The following FRMD4A variants were observed in gnomAD, a reference collection of about 807,000 sequenced individuals.
FRMD4A encodes FERM domain containing 4A, also known as FERM domain-containing protein 4A.
Under a neutral mutation model 129.1 loss-of-function variants are expected in FRMD4A, and 29 were observed. The observed-to-expected ratio is 0.22, with a 90% confidence interval of 0.17 to 0.31. FRMD4A has a LOEUF of 0.31. Among genes scored for constraint, FRMD4A ranks in the 10% least tolerant of loss-of-function variants. The probability of loss-of-function intolerance (pLI) is 1.00; values close to 1 mark genes in which losing one functional copy is unlikely to be tolerated. For missense variants in FRMD4A, 1,272 were observed against 1,375.8 expected (o/e 0.92, Z 1.19); for synonymous variants, 634 against 571.6 (o/e 1.11, Z -1.56).
At chr10:14,014,528 G>A (rs1417323471) in intron 2 of FRMD4A, among the ~76,000 whole-genome samples, 1 of 152,144 alleles carries the variant, frequency 6.6e-6, no homozygotes, top group African/African-American at 2.4e-5. Flanking sequence ...CTATAGCCTA[G>A]GTAATTCATG....
chr10:14,245,726 C>T (rs558960154), intron 2 of FRMD4A, among the ~76,000 whole-genome samples: 2 of 152,288 alleles, frequency 1.3e-5, no homozygotes, highest in East Asian at 1.9e-4. Context: ...ACAGCATCTA[C>T]TAGCCAAGGA....
chr10:14,266,194 A>C (rs984324123), intron 2 of FRMD4A, among the ~76,000 whole-genome samples: 4 of 152,048 alleles, frequency 2.6e-5, no homozygotes, highest in Non-Finnish European at 5.9e-5. Flanking sequence ...CGTGCATTGT[A>C]GGATGTTAAG....
intron 2 of FRMD4A, among the ~76,000 whole-genome samples, chr10:13,970,394 C>T (rs572636521): frequency 3.3e-5 from 5 of 152,230 alleles, no homozygotes; most frequent in East Asian, 1.9e-4. Context: ...TCTTCCAGGG[C>T]GCCTCCCTCC....
At chr10:14,225,683 C>T (rs1879607) in intron 2 of FRMD4A, among the ~76,000 whole-genome samples, 151,710 of 152,276 alleles carry the variant, frequency 1, 75,580 homozygotes, top group Middle Eastern at 1. Context: ...CACCATTAAC[C>T]CCCTTGTTCT....
intron 2 of FRMD4A, among the ~76,000 whole-genome samples, chr10:14,105,007 C>T (rs769568885): frequency 1.1e-4 from 17 of 152,208 alleles, no homozygotes; most frequent in Non-Finnish European, 2.1e-4. Context: ...CTTCTGGTCA[C>T]GGGGTCCCCA....
chr10:14,044,368 C>T (rs1833901649), intron 2 of FRMD4A, among the ~76,000 whole-genome samples: 1 of 152,226 alleles, frequency 6.6e-6, no homozygotes, highest in African/African-American at 2.4e-5. Flanking sequence ...GGCTCCCTGA[C>T]CCCCATTCCT....
At chr10:14,025,299 CTT>C (rs11422286) in intron 2 of FRMD4A, among the ~76,000 whole-genome samples, 1 of 147,658 alleles carries the variant, frequency 6.8e-6, no homozygotes, top group Admixed American at 6.7e-5. Flanking sequence ...CCAAAGTTTG[CTT>C]TTTTTTTTTA....
intron 2 of FRMD4A, among the ~76,000 whole-genome samples, chr10:14,283,324 C>T (rs1845582548): frequency 1.3e-5 from 2 of 152,174 alleles, no homozygotes; most frequent in Non-Finnish European, 2.9e-5. Context: ...TGTTAAGTAG[C>T]AGCGTTCAAC....
intron 4 of FRMD4A, among the ~76,000 whole-genome samples, chr10:13,809,131 C>G (rs2093404894): frequency 6.6e-6 from 1 of 152,176 alleles, no homozygotes; most frequent in Admixed American, 6.5e-5. Context: ...TTTTGGTGCT[C>G]TCAACCCTCC....
At chr10:14,036,022 A>G (rs1169263740) in intron 2 of FRMD4A, among the ~76,000 whole-genome samples, 2 of 145,220 alleles carry the variant, frequency 1.4e-5, no homozygotes, top group African/African-American at 2.5e-5. Context: ...AGCATGGGCA[A>G]CAAGAGTGAA....
chr10:14,324,272 A>G (rs931917509), intron 2 of FRMD4A, among the ~76,000 whole-genome samples: 1 of 152,262 alleles, frequency 6.6e-6, no homozygotes, highest in Admixed American at 6.5e-5. Context: ...AAAAATATTA[A>G]TAGCAAGATC....
At chr10:14,031,006 G>A (rs973918132) in intron 2 of FRMD4A, among the ~76,000 whole-genome samples, 1 of 152,162 alleles carries the variant, frequency 6.6e-6, no homozygotes, top group Non-Finnish European at 1.5e-5. Flanking sequence ...GGCACACCCA[G>A]GAGTACCCTG....
At chr10:13,854,043 C>A (rs1003905175) in intron 3 of FRMD4A, among the ~76,000 whole-genome samples, 1 of 151,998 alleles carries the variant, frequency 6.6e-6, no homozygotes, top group Non-Finnish European at 1.5e-5. Flanking sequence ...AAGGGCCACA[C>A]CTCAGCCATT....
chr10:13,950,522 A>G lies in FRMD4A; in HGVS notation c.46-91610T>C, dbSNP rs141882508. Among the ~76,000 whole-genome samples the G allele has an allele frequency of 3.6e-3, 544 of 152,338 alleles. 5 individuals carry two copies. The highest frequency in any genetic ancestry group is 0.012 in the African/African-American group (515 of 41,578). On this transcript the variant is annotated intron_variant, in intron 2 of 24. Transcript: ENST00000357447. Reference sequence around the variant, plus strand: ...ACATGATGTAAATAATTGTAAAAAAATGCCATGACAAGGCAGAATGGACCA... The same window carrying G: ...ACATGATGTAAATAATTGTAAAAAAGTGCCATGACAAGGCAGAATGGACCA...
chr10:13,709,886 T>A (rs2087841036), intron 12 of FRMD4A, among the ~76,000 whole-genome samples: 1 of 152,192 alleles, frequency 6.6e-6, no homozygotes. Flanking sequence ...ATACGCTTTT[T>A]AAAAAATTAA....
intron 2 of FRMD4A, among the ~76,000 whole-genome samples, chr10:14,207,249 C>T (rs1469455999): frequency 6.6e-6 from 1 of 152,116 alleles, no homozygotes; most frequent in African/African-American, 2.4e-5. Flanking sequence ...CAGTGGTCCC[C>T]AATCTTTTTG....
intron 5 of FRMD4A, among the ~76,000 whole-genome samples, chr10:13,786,538 G>A (rs891028066): frequency 1.6e-4 from 24 of 152,118 alleles, no homozygotes; most frequent in African/African-American, 4.3e-4. Flanking sequence ...CCTGGGAGGC[G>A]GAGGTTGCAG....
intron 15 of FRMD4A, among the ~76,000 whole-genome samples, chr10:13,687,616 T>A (rs971182940): frequency 6.6e-6 from 1 of 152,228 alleles, no homozygotes; most frequent in Non-Finnish European, 1.5e-5. Context: ...GAATTCATAG[T>A]TGTTCTCTCA....
chr10:14,096,034 G>GA (rs1163676859), intron 2 of FRMD4A, among the ~76,000 whole-genome samples: 9 of 152,230 alleles, frequency 5.9e-5, no homozygotes, highest in Non-Finnish European at 7.4e-5. Context: ...TGTTCTTGGG[G>GA]AAAAAAAGGC....
Sources: gnomAD v4.1 joint callset for allele counts (sites outside exome capture counted in the v4.1 genomes callset) on GRCh38, gnomAD v4.1.1 for gene constraint, MANE v1.5 for transcripts, NCBI Gene and HGNC (gene_info 2026-07-23, HGNC 2026-07-21) for gene names.